TACR3: variants seen among roughly 807,000 people sequenced by gnomAD.
TACR3 encodes the protein tachykinin receptor 3, also known as neuromedin-K receptor.
A neutral mutation model predicts 35.0 loss-of-function variants in TACR3; 34 were observed. That is an observed-to-expected ratio of 0.97 (90% CI 0.74 to 1.30). TACR3 has a LOEUF of 1.30. Ranked by LOEUF, TACR3 falls within the 50% of genes most tolerant of loss-of-function variation. The probability of loss-of-function intolerance (pLI) is 0.00; values close to 1 mark genes in which losing one functional copy is unlikely to be tolerated. For synonymous variants in TACR3, 233 were observed against 221.1 expected (o/e 1.05, Z -0.48); for missense variants, 558 against 591.7 (o/e 0.94, Z 0.59).
chr4:103,719,479 G>A lies in TACR3; in HGVS notation c.197C>T (p.Ala66Val). Residue 66 changes from alanine (A) to valine (V), a missense_variant, in exon 1 of 5, where the codon GCG becomes GTG. Ala to Val is a moderately conservative substitution (Grantham distance 64, BLOSUM62 0). Coordinates refer to ENST00000304883, the MANE Select transcript of TACR3 (RefSeq NM_001059.3). ...GAGGTTGGCCCAGGGCTGGGAGGGC[G>A]CGGGGGAAGCCACAGGCAGTCCCAG... ...SALGLPVASPAPSQPWANLTN... is the reference protein window; with the variant it reads ...SALGLPVASPVPSQPWANLTN... The A allele has an allele frequency of 6.2e-7, 1 of 1,613,334 alleles. No homozygotes were observed. The highest frequency in any genetic ancestry group is 1.3e-5 in the African/African-American group (1 of 75,046).
chr4:103,647,652 ATACTTTCCTT>A (rs1019225266), intron 3 of TACR3, among the ~76,000 whole-genome samples: 5 of 151,270 alleles, frequency 3.3e-5, no homozygotes, highest in African/African-American at 1.2e-4. Context: ...TTAGTTGAAT[ATACTTTCCTT>A]TAAAGTATAG....
rs995804306 is a variant in TACR3, at chr4:103,591,407, C to T, written c.1085+80G>A. The T allele has an allele frequency of 1.0e-5, 16 of 1,555,132 alleles. No homozygotes were observed. The African/African-American group carries it at 1.5e-4, about 15-fold the overall frequency. On this transcript the variant is annotated intron_variant, in intron 4 of 4. Transcript: ENST00000304883. ...TTCCTTCTGCATTTTGAATTTGAAC[C>T]AAGAAAATGGAACAACATTGTATGT...
intron 1 of TACR3, among the ~76,000 whole-genome samples, chr4:103,718,492 C>G (rs184042060): frequency 2.0e-5 from 3 of 152,312 alleles, no homozygotes; most frequent in Admixed American, 6.5e-5. Context: ...CAGTTCATAG[C>G]CTCTGCAGAT....
chr4:103,613,455 G>A (rs1412049621), intron 3 of TACR3, among the ~76,000 whole-genome samples: 1 of 151,816 alleles, frequency 6.6e-6, no homozygotes, highest in Admixed American at 6.6e-5. Context: ...GAGTAGCTGG[G>A]ATTACAGGTG....
intron 1 of TACR3, among the ~76,000 whole-genome samples, chr4:103,712,929 C>A (rs1185501008): frequency 6.6e-6 from 1 of 152,110 alleles, no homozygotes; most frequent in Non-Finnish European, 1.5e-5. Context: ...AATGACATAC[C>A]ATCTCACACC....
At chr4:103,680,333 G>A (rs1297924864) in intron 1 of TACR3, among the ~76,000 whole-genome samples, 1 of 151,442 alleles carries the variant, frequency 6.6e-6, no homozygotes, top group African/African-American at 2.4e-5. Flanking sequence ...ATTGAGATAA[G>A]GAGGAATGTT....
At chr4:103,668,037 G>T (rs1311536505) in intron 1 of TACR3, among the ~76,000 whole-genome samples, 2 of 152,064 alleles carry the variant, frequency 1.3e-5, no homozygotes, top group East Asian at 1.9e-4. Context: ...TCACCATGTT[G>T]TCCAGGCTGG....
intron 3 of TACR3, among the ~76,000 whole-genome samples, chr4:103,608,943 A>G (rs957567926): frequency 3.9e-5 from 6 of 152,120 alleles, no homozygotes; most frequent in African/African-American, 7.2e-5. Context: ...AAATATTTGT[A>G]AAATCAATAA....
At chr4:103,642,343 A>T (rs1224270741) in intron 3 of TACR3, among the ~76,000 whole-genome samples, 1 of 113,740 alleles carries the variant, frequency 8.8e-6, no homozygotes, top group Non-Finnish European at 2.1e-5. Context: ...TTTGTCAATT[A>T]AAAAATGAGT....
At chr4:103,648,936 C>T (rs1239216062) in intron 3 of TACR3, among the ~76,000 whole-genome samples, 1 of 152,070 alleles carries the variant, frequency 6.6e-6, no homozygotes, top group Non-Finnish European at 1.5e-5. Context: ...CCTCCACATC[C>T]TTGCCAGGAT....
At chr4:103,632,005 T>C (rs1725077100) in intron 3 of TACR3, among the ~76,000 whole-genome samples, 1 of 152,208 alleles carries the variant, frequency 6.6e-6, no homozygotes, top group Non-Finnish European at 1.5e-5. Context: ...GGTCTAATTG[T>C]AAACTAAAGA....
rs762554790 is a variant in TACR3, at chr4:103,717,589, A to G, written c.548+1539T>C. Among the ~76,000 whole-genome samples, 157 of 152,190 alleles carry G rather than the reference A, an allele frequency of 1.0e-3. 2 individuals are homozygous for G. The highest frequency in any genetic ancestry group is 3.9e-4 in the Admixed American group (6 of 15,274). On this transcript the variant is annotated intron_variant, in intron 1 of 4. Coordinates refer to ENST00000304883, the MANE Select transcript of TACR3 (RefSeq NM_001059.3). ...TGCACTAAAATTTTCTTCAAAGTTCATATTGCATGATTAATCTTTCAAGAA... is the reference window on the plus strand; with the variant it reads ...TGCACTAAAATTTTCTTCAAAGTTCGTATTGCATGATTAATCTTTCAAGAA...
At chr4:103,647,598 A>T (rs918471215) in intron 3 of TACR3, among the ~76,000 whole-genome samples, 6 of 151,986 alleles carry the variant, frequency 3.9e-5, no homozygotes, top group African/African-American at 4.8e-5. Flanking sequence ...AACTTAGCCT[A>T]GGCTTTGAGG....
At chr4:103,703,998 G>A (rs1722725181) in intron 1 of TACR3, among the ~76,000 whole-genome samples, 1 of 150,302 alleles carries the variant, frequency 6.7e-6, no homozygotes. Flanking sequence ...CAGCTATGCA[G>A]GAGGCTGAGG....
intron 1 of TACR3, among the ~76,000 whole-genome samples, chr4:103,718,220 G>C (rs2110235352): frequency 6.6e-6 from 1 of 152,200 alleles, no homozygotes; most frequent in South Asian, 2.1e-4. Context: ...GCATGAATAA[G>C]AACATTGAGA....
intron 1 of TACR3, among the ~76,000 whole-genome samples, chr4:103,688,509 G>A (rs998679432): frequency 6.7e-6 from 1 of 149,932 alleles, no homozygotes; most frequent in African/African-American, 2.5e-5. Context: ...TCTGACAAAG[G>A]GCTAATATCC....
intron 3 of TACR3, among the ~76,000 whole-genome samples, chr4:103,595,533 G>T (rs541667878): frequency 4.5e-4 from 69 of 152,194 alleles, no homozygotes; most frequent in Non-Finnish European, 7.2e-4. Context: ...AAAGGGGAAA[G>T]ATCTTAGATT....
chr4:103,623,195 C>T (rs2110305349), intron 3 of TACR3, among the ~76,000 whole-genome samples: 1 of 151,948 alleles, frequency 6.6e-6, no homozygotes, highest in South Asian at 2.1e-4. Context: ...AAAATAAATA[C>T]ATTAATGCTT....
chr4:103,631,859 A>T (rs1249574501), intron 3 of TACR3, among the ~76,000 whole-genome samples: 2 of 152,176 alleles, frequency 1.3e-5, no homozygotes, highest in Non-Finnish European at 2.9e-5. Flanking sequence ...TCTTTAATAG[A>T]GCCTAGAATT....
Sources: gnomAD v4.1 joint callset for allele counts (sites outside exome capture counted in the v4.1 genomes callset) on GRCh38, gnomAD v4.1.1 for gene constraint, MANE v1.5 for transcripts, NCBI Gene and HGNC (gene_info 2026-07-23, HGNC 2026-07-21) for gene names.